UBR3: variants seen among roughly 807,000 people sequenced by gnomAD.
UBR3 encodes the protein ubiquitin protein ligase E3 component n-recognin 3.
UBR3 carries 85 observed loss-of-function variants against 243.2 expected under a neutral mutation model. The observed-to-expected ratio is 0.35, with a 90% CI of 0.29 to 0.42. The LOEUF (loss-of-function observed/expected upper bound fraction) is 0.42. Ranked by LOEUF, UBR3 falls within the 10% of genes least tolerant of loss-of-function variation. The pLI, the probability that UBR3 is intolerant of heterozygous loss-of-function variation, is 1.00. For missense variants in UBR3, 1,686 were observed against 2,300.8 expected, an observed-to-expected ratio of 0.73 and a Z score of 5.47; for synonymous variants, 748 against 799.8, an observed-to-expected ratio of 0.94 and a Z score of 1.09.
At chr2:170,051,811 A>G (rs1484853979) in intron 32 of UBR3, among the ~76,000 whole-genome samples, 1 of 152,174 alleles carries the variant, frequency 6.6e-6, no homozygotes, top group Non-Finnish European at 1.5e-5. Context: ...AAAATATTTC[A>G]TTAAATGATG....
intron 24 of UBR3, among the ~76,000 whole-genome samples, chr2:169,959,536 C>T (rs1288093454): frequency 1.3e-5 from 2 of 151,798 alleles, no homozygotes; most frequent in Non-Finnish European, 2.9e-5. Context: ...TACTGGAGAG[C>T]TATGAAGTTC....
chr2:170,007,134 A>G lies in UBR3; in HGVS notation c.4174A>G (p.Ile1392Val). Residue 1392 changes from isoleucine to valine, a missense_variant, in exon 28 of 39, where the codon ATA becomes GTA. This residue lies in a region of UBR3 where 371 missense variants were observed against 422.5 expected (regional missense o/e 0.88). Coordinates refer to ENST00000272793, the MANE Select transcript of UBR3 (RefSeq NM_172070.4). ...NPWQRPSNKS[I>V]QDLIKEVEEL... is the part of the protein sequence containing the mutation. ...TTGGCAACGTCCTAGCAACAAAAGC[A>G]TACAAGATCTCATAAAGGAAGTGGA... 1 of 1,613,428 alleles carries G rather than the reference A, an allele frequency of 6.2e-7. No homozygotes were observed. Among genetic ancestry groups the G allele is most frequent in the African/African-American group, 1.3e-5 (1 of 74,964 alleles).
Position 169,896,484 on chromosome 2 carries a change from CCTTT to C in UBR3, c.1237-20_1237-17del, listed in dbSNP as rs768385928. The C allele has an allele frequency of 1.2e-5, 17 of 1,405,146 alleles. No individual in the cohort carries two copies. In the African/African-American group the frequency reaches 2.2e-4, roughly 18 times the overall value. The allele number at this position is 1,405,146 out of a possible 1,614,324, so 87.0% of individuals were successfully genotyped here. On this transcript the variant is annotated intron_variant, in intron 7 of 38. Transcript: ENST00000272793. ...AAAAATTAAAACTAATGTGTTTTTT[CCTTT>C]CTATTAAAATGTTTACAGGTTGCTT...
chr2:169,890,585 A>ATATATATGTATATATGTATATATATGTG (rs1553504601), intron 5 of UBR3, among the ~76,000 whole-genome samples: 1 of 107,516 alleles, frequency 9.3e-6, no homozygotes, highest in Non-Finnish European at 1.9e-5. Context: ...ATATATGTAT[A>ATATATATGTATATATGTATATATATGTG]TATATATGTA....
chr2:170,069,902 C>A (rs571200609), intron 35 of UBR3, among the ~76,000 whole-genome samples: 1 of 152,096 alleles, frequency 6.6e-6, no homozygotes, highest in Admixed American at 6.5e-5. Flanking sequence ...TGCACACCCT[C>A]CCATATATTT....
intron 28 of UBR3, among the ~76,000 whole-genome samples, chr2:170,008,447 T>C (rs932112818): frequency 3.9e-5 from 6 of 152,198 alleles, no homozygotes; most frequent in Non-Finnish European, 5.9e-5. Context: ...TTGATATTAT[T>C]CTTTGAAAAA....
At chr2:169,914,796 A>G (rs2085388489) in intron 11 of UBR3, among the ~76,000 whole-genome samples, 1 of 151,674 alleles carries the variant, frequency 6.6e-6, no homozygotes, top group Non-Finnish European at 1.5e-5. Context: ...GGCACACAGA[A>G]CCGTTGCTGT....
At chr2:170,078,195 C>A in intron 36 of UBR3, 3 of 531,576 alleles carry the variant, frequency 5.6e-6, no homozygotes, top group South Asian at 3.3e-5. Context: ...TTTGAATGTT[C>A]ATAAGCCTCT....
intron 33 of UBR3, among the ~76,000 whole-genome samples, 164 bp downstream of exon 33, chr2:170,055,748 T>A (rs553564920): frequency 5.6e-4 from 86 of 152,336 alleles, no homozygotes; most frequent in African/African-American, 1.9e-3. Flanking sequence ...CACTAAACAA[T>A]GAGGACTTCT....
chr2:170,050,371 A>G (rs529997775), intron 32 of UBR3, among the ~76,000 whole-genome samples: 1 of 152,308 alleles, frequency 6.6e-6, no homozygotes, highest in South Asian at 2.1e-4. Context: ...GTGGAATAGT[A>G]TTTTTACAAA....
chr2:169,900,832 A>G (rs1209090733), intron 8 of UBR3, among the ~76,000 whole-genome samples: 1 of 151,004 alleles, frequency 6.6e-6, no homozygotes, highest in East Asian at 1.9e-4. Context: ...CCATTGTTCT[A>G]TTGAAATCTA....
Position 170,083,705 on chromosome 2 carries a change from A to G in UBR3, c.*1862A>G, listed in dbSNP as rs946545507. On this transcript the variant is annotated 3_prime_UTR_variant, in exon 39 of 39. Coordinates refer to ENST00000272793, the MANE Select transcript of UBR3 (RefSeq NM_172070.4). The stretch of plus-strand genomic sequence containing the variant: ...AAAATGGAATGTTTTATGGTTGTGC[A>G]TATGGATGTGAAGTGAAAATATTAG... 2 of 152,626 alleles carry G rather than the reference A, an allele frequency of 1.3e-5. No homozygotes were observed. The highest frequency in any genetic ancestry group is 4.8e-5 in the African/African-American group (2 of 41,464). 9.5% of individuals were successfully genotyped at this position (152,626 alleles called of 1,614,324 possible).
chr2:170,048,012 T>G (rs757923235), intron 32 of UBR3, among the ~76,000 whole-genome samples: 2 of 152,190 alleles, frequency 1.3e-5, no homozygotes, highest in African/African-American at 2.4e-5. Flanking sequence ...AATAAAATCT[T>G]AAGCTCCTCA....
intron 19 of UBR3, among the ~76,000 whole-genome samples, chr2:169,940,218 T>G (rs540169596): frequency 1.3e-5 from 2 of 152,282 alleles, no homozygotes; most frequent in Admixed American, 1.3e-4. Flanking sequence ...TTAACTATAA[T>G]TTGGATGCTT....
chr2:169,827,465 A>G lies in UBR3; in HGVS notation c.-43A>G, dbSNP rs1488074529. ...CAGTCTATTCCCTCACTCTCCCTGG[A>G]GGAGCCGCTGGCCCTGGACTCTCCA... On this transcript the variant is annotated 5_prime_UTR_variant, in exon 1 of 39. Transcript: ENST00000272793. 5.7e-6 allele frequency: 7 copies of G among 1,219,332 alleles called. No homozygotes were observed. Among genetic ancestry groups the G allele is most frequent in the Non-Finnish European group, 7.1e-6 (7 of 979,948 alleles). 75.5% of individuals were successfully genotyped at this position (1,219,332 alleles called of 1,614,324 possible). A position where few individuals can be genotyped will look rare whatever the true frequency, so the allele number is the denominator to read the frequency against.
At chr2:170,055,165 C>T (rs973807930) in intron 32 of UBR3, among the ~76,000 whole-genome samples, 23 of 152,084 alleles carry the variant, frequency 1.5e-4, no homozygotes, top group African/African-American at 5.6e-4. Context: ...GGCGTAGTGG[C>T]ACATGCCTGT....
At chr2:169,835,993 GTCTCTC>G (rs577838877) in intron 1 of UBR3, among the ~76,000 whole-genome samples, 699 of 30,564 alleles carry the variant, frequency 0.023, 5 homozygotes, top group Middle Eastern at 0.06. Context: ...TGTGTGCACT[GTCTCTC>G]TCTCTCTCTC....
chr2:170,041,069 G>A (rs1305556636), intron 32 of UBR3, 84 bp downstream of exon 32: 2 of 1,345,416 alleles, frequency 1.5e-6, no homozygotes, highest in Non-Finnish European at 2.0e-6. Flanking sequence ...TAGGCTGGGT[G>A]TGGTGGCTCA....
intron 27 of UBR3, among the ~76,000 whole-genome samples, chr2:170,004,838 G>GCC (rs2089850659): frequency 6.6e-6 from 1 of 152,112 alleles, no homozygotes; most frequent in African/African-American, 2.4e-5. Flanking sequence ...TTAAACCCGG[G>GCC]AGGTGGAGGT....
Sources: allele counts gnomAD v4.1 joint callset (sites outside exome capture counted in the v4.1 genomes callset), GRCh38; gene constraint gnomAD v4.1.1; regional missense constraint gnomAD v4.1.1; transcripts MANE v1.5; gene names NCBI Gene and HGNC (gene_info 2026-07-23, HGNC 2026-07-21).